ADARB2: variants seen among roughly 807,000 people sequenced by gnomAD.
The protein encoded by ADARB2 is adenosine deaminase RNA specific B2 (inactive).
Under a neutral mutation model 62.2 loss-of-function variants are expected in ADARB2, and 25 were observed. The observed-to-expected ratio is 0.40, with a 90% CI of 0.29 to 0.56. The LOEUF (loss-of-function observed/expected upper bound fraction) is 0.56, where lower values mean the gene tolerates loss of function less well. ADARB2 is among the 20% of genes least tolerant of loss of function. The pLI, the probability that ADARB2 is intolerant of heterozygous loss-of-function variation, is 0.43. For synonymous variants in ADARB2, 572 were observed against 500.8 expected, an observed-to-expected ratio of 1.14 and a Z score of -1.90; for missense variants, 1,071 against 1,077.4, an observed-to-expected ratio of 0.99 and a Z score of 0.08.
chr10:1,590,620 G>A (rs1235083514), intron 1 of ADARB2, among the ~76,000 whole-genome samples: 1 of 152,140 alleles, frequency 6.6e-6, no homozygotes, highest in African/African-American at 2.4e-5. Flanking sequence ...AAAAAACCAT[G>A]TGCTTTTGTC....
At chr10:1,578,058 C>G (rs1363396792) in intron 1 of ADARB2, among the ~76,000 whole-genome samples, 1 of 152,176 alleles carries the variant, frequency 6.6e-6, no homozygotes, top group East Asian at 1.9e-4. Flanking sequence ...GTCAGTTGCT[C>G]CAGCCACCCC....
chr10:1,624,548 G>A (rs1447446545), intron 1 of ADARB2, among the ~76,000 whole-genome samples: 1 of 152,184 alleles, frequency 6.6e-6, no homozygotes, highest in African/African-American at 2.4e-5. Flanking sequence ...CATCTGTGAA[G>A]TCTATAATCA....
intron 3 of ADARB2, among the ~76,000 whole-genome samples, chr10:1,322,289 A>G (rs557633205): frequency 6.6e-6 from 1 of 152,288 alleles, no homozygotes; most frequent in South Asian, 2.1e-4. Context: ...CAAAAAACTC[A>G]GTATAGGATG....
At chr10:1,491,310 T>C (rs1831618533) in intron 1 of ADARB2, among the ~76,000 whole-genome samples, 1 of 152,156 alleles carries the variant, frequency 6.6e-6, no homozygotes, top group Non-Finnish European at 1.5e-5. Context: ...GCTCAAGCAA[T>C]CCTCCCATCT....
chr10:1,507,565 G>A (rs1181441436), intron 1 of ADARB2, among the ~76,000 whole-genome samples: 1 of 152,206 alleles, frequency 6.6e-6, no homozygotes, highest in Admixed American at 6.5e-5. Flanking sequence ...GTCTGGAGAT[G>A]TTTACCCTCG....
intron 1 of ADARB2, among the ~76,000 whole-genome samples, chr10:1,384,278 C>T (rs562545609): frequency 1.1e-4 from 16 of 152,336 alleles, no homozygotes; most frequent in African/African-American, 3.8e-4. Flanking sequence ...ACACCATTAG[C>T]AGAGTGGGGC....
chr10:1,363,959 C>T (rs938427925), intron 2 of ADARB2, 42 bp from the exon 3 acceptor site: 4 of 1,416,594 alleles, frequency 2.8e-6, no homozygotes, highest in Admixed American at 3.2e-5. Flanking sequence ...GGGCGGGCGC[C>T]GGCAGGTCGA....
chr10:1,662,135 T>C (rs922739013), intron 1 of ADARB2, among the ~76,000 whole-genome samples: 10 of 152,280 alleles, frequency 6.6e-5, no homozygotes, highest in African/African-American at 2.4e-4. Context: ...GACCCTGCAG[T>C]GGGAGGATGT....
At chr10:1,326,671 G>A (rs1831849306) in intron 3 of ADARB2, among the ~76,000 whole-genome samples, 1 of 146,086 alleles carries the variant, frequency 6.8e-6, no homozygotes, top group Admixed American at 6.9e-5. Flanking sequence ...AAACCCATAG[G>A]GCTCCTTCCC....
At chr10:1,652,151 A>T (rs573934766) in intron 1 of ADARB2, among the ~76,000 whole-genome samples, 1 of 152,260 alleles carries the variant, frequency 6.6e-6, no homozygotes, top group Admixed American at 6.5e-5. Context: ...CAAAAAGCAA[A>T]GCGGGTCTGT....
Position 1,398,256 on chromosome 10 carries a change from C to T in ADARB2, c.101-19096G>A, listed in dbSNP as rs1832633054. On this transcript the variant is annotated intron_variant, in intron 1 of 9. Transcript: ENST00000381312. This position sits in a 1 kb window ranked among gnomAD's most constrained non-coding sequence, Gnocchi z 4.1. ...AGGCTTCCTGGGTCACCGTCCGTCT[C>T]TCCCCTCCCGAGTGCAGGCTTCCTG... is the stretch of plus-strand genomic sequence containing the variant. Among the ~76,000 whole-genome samples the T allele has an allele frequency of 6.6e-6, 1 of 152,212 alleles. No individual in the cohort carries two copies. The highest frequency in any genetic ancestry group is 1.5e-5 in the Non-Finnish European group (1 of 68,038).
intron 1 of ADARB2, among the ~76,000 whole-genome samples, chr10:1,555,835 T>C (rs1481398996): frequency 6.6e-6 from 1 of 152,130 alleles, no homozygotes; most frequent in Non-Finnish European, 1.5e-5. Context: ...CTCGGCAGGC[T>C]GAGGCAAGAG....
intron 7 of ADARB2, among the ~76,000 whole-genome samples, chr10:1,203,832 G>A (rs766998195): frequency 6.6e-6 from 1 of 152,186 alleles, no homozygotes; most frequent in Non-Finnish European, 1.5e-5. Context: ...GGACCTCAAA[G>A]TGGGATGTCT....
At position 1,651,469 on chromosome 10, in the gene ADARB2, C is replaced by T. The variant is rs543387025; in HGVS notation, c.100+85582G>A. On this transcript the variant is annotated intron_variant, in intron 1 of 9. Transcript: ENST00000381312. Reference sequence around the variant, plus strand: ...GGGGCAGCACCCCCACCTGCCATGGCCAGGGCCAAGTTCTCCACCAGCTGC... The same window carrying T: ...GGGGCAGCACCCCCACCTGCCATGGTCAGGGCCAAGTTCTCCACCAGCTGC... Among the ~76,000 whole-genome samples the T allele has an allele frequency of 4.6e-3, 704 of 152,340 alleles. 4 individuals carry two copies. The highest frequency in any genetic ancestry group is 8.1e-3 in the Non-Finnish European group (554 of 68,026).
At chr10:1,226,316 T>G (rs1830744917) in intron 6 of ADARB2, among the ~76,000 whole-genome samples, 1 of 152,220 alleles carries the variant, frequency 6.6e-6, no homozygotes, top group Admixed American at 6.5e-5. Flanking sequence ...TCATCTAATT[T>G]TTTTTCAAAA....
At chr10:1,188,468 C>T (rs1349104968) in intron 8 of ADARB2, among the ~76,000 whole-genome samples, 5 of 152,202 alleles carry the variant, frequency 3.3e-5, no homozygotes, top group African/African-American at 7.2e-5. Flanking sequence ...CTTTATTTGT[C>T]CTCTGCAGGG....
At chr10:1,691,447 A>C (rs1041005833) in intron 1 of ADARB2, among the ~76,000 whole-genome samples, 9 of 152,124 alleles carry the variant, frequency 5.9e-5, no homozygotes, top group African/African-American at 2.2e-4. Flanking sequence ...CTCAGAGTCT[A>C]TGTCCTTCTT....
chr10:1,270,551 C>T (rs953670408), intron 4 of ADARB2, among the ~76,000 whole-genome samples: 6 of 151,996 alleles, frequency 3.9e-5, no homozygotes, highest in African/African-American at 9.7e-5. Context: ...ATGCCCCTCG[C>T]GGCTGGGTCA....
At chr10:1,355,041 C>G (rs1381412790) in intron 3 of ADARB2, among the ~76,000 whole-genome samples, 2 of 152,318 alleles carry the variant, frequency 1.3e-5, no homozygotes. Context: ...CACGAGGCTC[C>G]CATGTGTTCA....
Sources: gnomAD v4.1 joint callset for allele counts (sites outside exome capture counted in the v4.1 genomes callset) on GRCh38, gnomAD v4.1.1 for gene constraint, Gnocchi (gnomAD v3.1) non-coding constraint, MANE v1.5 for transcripts, NCBI Gene and HGNC (gene_info 2026-07-23, HGNC 2026-07-21) for gene names.